The following GABPB1 variants were observed in gnomAD, a reference collection of about 807,000 sequenced individuals.
GABPB1 encodes the protein GA-binding protein subunit beta-1.
A neutral mutation model predicts 45.9 loss-of-function variants in GABPB1; 15 were observed. The observed-to-expected ratio is 0.33, with a 90% confidence interval of 0.22 to 0.50. The LOEUF is 0.50. GABPB1 is among the 20% of genes least tolerant of loss of function. The pLI is 0.98. For synonymous variants in GABPB1, 143 were observed against 154.4 expected (o/e 0.93, Z 0.55); for missense variants, 252 against 457.5 (o/e 0.55, Z 4.10).
chr15:50,316,292 T>G (rs1456526253), intron 1 of GABPB1, among the ~76,000 whole-genome samples: 1 of 152,190 alleles, frequency 6.6e-6, no homozygotes, highest in Non-Finnish European at 1.5e-5. Flanking sequence ...TGTTAAAGCT[T>G]AGTCTATTTT....
chr15:50,278,718 G>A lies in GABPB1; in HGVS notation c.1066C>T (p.Leu356Phe). 2 of 1,613,448 alleles carry A rather than the reference G, an allele frequency of 1.2e-6. No individual in the cohort carries two copies. The highest frequency in any genetic ancestry group is 8.5e-7 in the Non-Finnish European group (1 of 1,179,692). Residue 356 changes from leucine to phenylalanine, a missense_variant, in exon 9 of 9, where the codon CTC becomes TTC. Coordinates refer to ENST00000380877, the MANE Select transcript of GABPB1 (RefSeq NM_016654.5). ...TCTGCTTCCTGTTCTTTCTTTAGGA[G>A]CTGCTGTCGATATTTTTGTGCTTCT... ...NREAQKYRQQ[L>F]LKKEQEAEAY... is the part of the protein sequence containing the mutation.
chr15:50,342,275 T>C (rs1343521594), intron 1 of GABPB1, among the ~76,000 whole-genome samples: 1 of 152,192 alleles, frequency 6.6e-6, no homozygotes, highest in Non-Finnish European at 1.5e-5. Flanking sequence ...GATTTATTTA[T>C]AAGCTTTCCT....
chr15:50,291,165 GCAATGTTTACA>G (rs1274033868), intron 6 of GABPB1, among the ~76,000 whole-genome samples: 2 of 152,102 alleles, frequency 1.3e-5, no homozygotes, highest in Non-Finnish European at 2.9e-5. Flanking sequence ...TATGAACTGA[GCAATGTTTACA>G]CAATGTTTAC....
chr15:50,299,856 G>A (rs1446157922), intron 6 of GABPB1, among the ~76,000 whole-genome samples: 1 of 151,412 alleles, frequency 6.6e-6, no homozygotes, highest in Non-Finnish European at 1.5e-5. Context: ...TCATTCAGTC[G>A]CCTAGGCTGG....
intron 8 of GABPB1, among the ~76,000 whole-genome samples, chr15:50,280,015 G>A (rs571833454): frequency 6.6e-6 from 1 of 152,136 alleles, no homozygotes; most frequent in East Asian, 1.9e-4. Flanking sequence ...TAATCCTCCT[G>A]CCTTTCTGTG....
chr15:50,305,182 T>G (rs2046899330), intron 2 of GABPB1, among the ~76,000 whole-genome samples: 1 of 152,190 alleles, frequency 6.6e-6, no homozygotes, highest in Non-Finnish European at 1.5e-5. Flanking sequence ...TCCAAAGAAC[T>G]AAGATATTTG....
intron 1 of GABPB1, among the ~76,000 whole-genome samples, chr15:50,318,540 AAAG>A (rs1239726558): frequency 7.6e-6 from 1 of 131,568 alleles, no homozygotes; most frequent in Admixed American, 7.0e-5. Flanking sequence ...AGTAAACTAG[AAAG>A]AATAATCAAG....
At chr15:50,337,242 AG>A (rs2048180967) in intron 1 of GABPB1, among the ~76,000 whole-genome samples, 1 of 150,848 alleles carries the variant, frequency 6.6e-6, no homozygotes, top group Non-Finnish European at 1.5e-5. Context: ...GTGGCTAAAG[AG>A]GTAAGCACAC....
intron 1 of GABPB1, among the ~76,000 whole-genome samples, chr15:50,337,003 C>T (rs2048153124): frequency 6.7e-6 from 1 of 148,854 alleles, no homozygotes; most frequent in Non-Finnish European, 1.5e-5. Flanking sequence ...CATGATCGCA[C>T]CACTGCACTC....
At chr15:50,286,856 C>T (rs2046176817) in intron 7 of GABPB1, among the ~76,000 whole-genome samples, 1 of 152,114 alleles carries the variant, frequency 6.6e-6, no homozygotes, top group African/African-American at 2.4e-5. Flanking sequence ...CACAGCACTA[C>T]AGGAACATAA....
At chr15:50,282,574 A>AAAAAAAAAAAAAAAAAAAAAAAG (rs2046019940) in intron 8 of GABPB1, among the ~76,000 whole-genome samples, 2 of 150,980 alleles carry the variant, frequency 1.3e-5, no homozygotes, top group African/African-American at 2.4e-5. Context: ...AAAAAAAAAA[A>AAAAAAAAAAAAAAAAAAAAAAAG]ACAGAGACGG....
At chr15:50,290,927 T>G (rs1308584902) in intron 6 of GABPB1, among the ~76,000 whole-genome samples, 1 of 152,210 alleles carries the variant, frequency 6.6e-6, no homozygotes, top group Non-Finnish European at 1.5e-5. Flanking sequence ...CAGGCAATCC[T>G]ACACCCAACT....
chr15:50,322,383 CA>C (rs71424054), intron 1 of GABPB1, among the ~76,000 whole-genome samples: 92,837 of 146,122 alleles, frequency 0.64, 29,738 homozygotes, highest in African/African-American at 0.77. Flanking sequence ...GTGAAAAATA[CA>C]AAAAAAAAAA....
At chr15:50,331,556 T>C (rs2047948442) in intron 1 of GABPB1, among the ~76,000 whole-genome samples, 1 of 152,194 alleles carries the variant, frequency 6.6e-6, no homozygotes, top group African/African-American at 2.4e-5. Flanking sequence ...TAGAACCTTA[T>C]AGGCACTAGA....
rs2046820118 is a variant in GABPB1, at chr15:50,303,227, T to C, written c.277-104A>G. 3.5e-6 allele frequency: 3 copies of C among 865,424 alleles called. No individual in the cohort carries two copies. The Admixed American group carries it at 7.9e-5, about 23-fold the overall frequency. 53.6% of individuals were successfully genotyped at this position (865,424 alleles called of 1,614,324 possible). On this transcript the variant is annotated intron_variant, in intron 3 of 8. Transcript: ENST00000380877. ...TGCTTTAAAGCAAGAACAAATAATG[T>C]AGTCAATTATTTATATGTATATGTT...
chr15:50,287,518 T>C (rs2140980868), intron 7 of GABPB1, among the ~76,000 whole-genome samples: 1 of 152,214 alleles, frequency 6.6e-6, no homozygotes, highest in Non-Finnish European at 1.5e-5. Flanking sequence ...AAGAGGAGAT[T>C]AGGACACAGA....
intron 6 of GABPB1, among the ~76,000 whole-genome samples, chr15:50,291,842 T>C (rs1555507531): frequency 6.8e-6 from 1 of 147,352 alleles, no homozygotes; most frequent in Non-Finnish European, 1.5e-5. Flanking sequence ...CCCTTGAGCC[T>C]GGGAGGTTGA....
intron 8 of GABPB1, among the ~76,000 whole-genome samples, chr15:50,281,548 G>A (rs1382489451): frequency 6.6e-6 from 1 of 152,312 alleles, no homozygotes; most frequent in South Asian, 2.1e-4. Flanking sequence ...GGCAGGATAT[G>A]TGAGCTATTT....
intron 1 of GABPB1, among the ~76,000 whole-genome samples, chr15:50,320,884 C>T (rs1308234426): frequency 6.6e-6 from 1 of 152,122 alleles, no homozygotes; most frequent in African/African-American, 2.4e-5. Flanking sequence ...AAATGCATGC[C>T]TTCTTTAGAA....
Sources: gnomAD v4.1 joint callset for allele counts (sites outside exome capture counted in the v4.1 genomes callset) on GRCh38, gnomAD v4.1.1 for gene constraint, MANE v1.5 for transcripts, NCBI Gene and HGNC (gene_info 2026-07-23, HGNC 2026-07-21) for gene names.